The following ABCC3 variants were observed in gnomAD, a reference collection of about 807,000 sequenced individuals.
ABCC3 encodes ATP binding cassette subfamily C member 3, also known as ATP-binding cassette sub-family C member 3.
A neutral mutation model predicts 165.3 loss-of-function variants in ABCC3; 121 were observed. The ratio of observed to expected loss-of-function variants is 0.73; its 90% CI spans 0.63 to 0.85. ABCC3 has a LOEUF of 0.85. ABCC3 is among the 40% of genes least tolerant of loss of function. The pLI is 0.00. For missense variants in ABCC3, 1,869 were observed against 1,964.1 expected, an observed-to-expected ratio of 0.95 and a Z score of 0.92; for synonymous variants, 733 against 810.1, an observed-to-expected ratio of 0.90 and a Z score of 1.62.
Position 50,683,723 on chromosome 17 carries a change from A to C in ABCC3, c.3921A>C (p.Arg1307Ser), listed in dbSNP as rs1284649308. 1.9e-6 allele frequency: 3 copies of C among 1,607,166 alleles called. No individual in the cohort carries two copies. Among genetic ancestry groups the C allele is most frequent in the African/African-American group, 2.7e-5 (2 of 74,406 alleles). The change falls in exon 27 of 31, where the codon AGA (arginine) becomes AGC (serine). Residue 1307 changes from arginine (R) to serine (S), a missense_variant. Transcript: ENST00000285238. ...RYRPGLDLVL[R>S]DLSLHVHGGE... ...GGCCGGGCCTAGACCTGGTGCTGAG[A>C]GACCTGAGTCTGCATGTGCACGGTG... is the stretch of plus-strand genomic sequence containing the variant.
At chr17:50,644,891 G>A (rs368856110) in intron 1 of ABCC3, among the ~76,000 whole-genome samples, 1 of 152,020 alleles carries the variant, frequency 6.6e-6, no homozygotes, top group South Asian at 2.1e-4. Context: ...GGTGGCGGGC[G>A]CCTGTAGTCT....
intron 10 of ABCC3, among the ~76,000 whole-genome samples, 198 bp from the exon 11 acceptor site, chr17:50,664,955 C>T (rs1262057890): frequency 6.6e-5 from 10 of 152,136 alleles, no homozygotes; most frequent in Non-Finnish European, 1.5e-5. Context: ...CTGTCCCTGT[C>T]GTCGTTATCT....
In ABCC3 at chr17:50,664,084, C is replaced by T. The variant is rs866228317; in HGVS notation, c.1311C>T (p.Ile437=). ...LNLLWSAPLQ[I]ILAIYFLWQN... is the part of the protein sequence containing the mutation. ...TGCTGTGGTCAGCACCCCTGCAGATCATCCTGGCGATCTACTTCCTCTGGC... is the reference window on the plus strand; with the variant it reads ...TGCTGTGGTCAGCACCCCTGCAGATTATCCTGGCGATCTACTTCCTCTGGC... The change falls in exon 10 of 31, where the codon ATC becomes ATT. Residue 437 remains isoleucine, a synonymous_variant. Coordinates refer to ENST00000285238, the MANE Select transcript of ABCC3 (RefSeq NM_003786.4). The T allele has an allele frequency of 1.2e-6, 2 of 1,614,240 alleles. No homozygotes were observed. The highest frequency in any genetic ancestry group is 1.7e-6 in the Non-Finnish European group (2 of 1,180,036).
chr17:50,684,875 G>C lies in ABCC3; in HGVS notation c.4280G>C (p.Ser1427Thr). ...FQCSEGGENL[S>T]VGQRQLVCLA... ...TGCTCAGAGGGCGGGGAGAATCTCA[G>C]GTAAACACTGGGAGTGCAGAGGTCA... The change falls in exon 29 of 31, where the codon AGC (serine) becomes ACC (threonine). Residue 1427 changes from serine to threonine, a missense_variant and splice_region_variant. Physicochemically the swap from Ser to Thr is moderately conservative, Grantham distance 58. Coordinates refer to ENST00000285238, the MANE Select transcript of ABCC3 (RefSeq NM_003786.4). 1 of 1,613,798 alleles carries C rather than the reference G, an allele frequency of 6.2e-7. No individual in the cohort carries two copies. The highest frequency in any genetic ancestry group is 1.3e-5 in the African/African-American group (1 of 75,032).
chr17:50,689,175 ACT>A (rs957181558), intron 30 of ABCC3, among the ~76,000 whole-genome samples: 2 of 152,216 alleles, frequency 1.3e-5, no homozygotes, highest in African/African-American at 2.4e-5. Context: ...GCAGAGCGAG[ACT>A]CTGCCTCAAA....
intron 1 of ABCC3, among the ~76,000 whole-genome samples, chr17:50,637,424 G>A (rs2054190513): frequency 6.6e-6 from 1 of 152,220 alleles, no homozygotes; most frequent in Non-Finnish European, 1.5e-5. Context: ...GTGATGTGCT[G>A]TGTTGCATCT....
rs777961746 is a variant in ABCC3, at chr17:50,667,742, G to A, written c.1620G>A (p.Met540Ile). 1 of 1,614,108 alleles carries A rather than the reference G, an allele frequency of 6.2e-7. No homozygotes were observed. The highest frequency in any genetic ancestry group is 1.1e-5 in the South Asian group (1 of 91,086). The change falls in exon 12 of 31, where the codon ATG becomes ATA. Residue 540 changes from methionine (M) to isoleucine (I), a missense_variant. By Grantham distance (10) the Met-to-Ile change is conservative. Coordinates refer to ENST00000285238, the MANE Select transcript of ABCC3 (RefSeq NM_003786.4). ...ACACCACAACCACCTTCACCTGGAT[G>A]TGCAGCCCCTTCCTGGTGAGGCTTG... The part of the protein sequence containing the change: ...YLHTTTTFTW[M>I]CSPFLVTLIT...
chr17:50,655,145 C>T (rs566717283), intron 1 of ABCC3, among the ~76,000 whole-genome samples: 20 of 127,340 alleles, frequency 1.6e-4, no homozygotes, highest in Admixed American at 1.1e-3. Flanking sequence ...GCAGCCGTCA[C>T]GCCTGTAATC....
Position 50,665,255 on chromosome 17 carries a change from G to A in ABCC3, c.1431+10G>A. The A allele has an allele frequency of 6.2e-7, 1 of 1,613,560 alleles. No individual in the cohort carries two copies. The highest frequency in any genetic ancestry group is 8.5e-7 in the Non-Finnish European group (1 of 1,179,738). ...GATGCGCGCCTTCCAGGTAGGTGCT[G>A]TCAGAGGTGCATCCTCCTGCCTGCA... On this transcript the variant is annotated intron_variant, in intron 11 of 30. Transcript: ENST00000285238.
intron 11 of ABCC3, 23 bp downstream of exon 11, chr17:50,665,268 C>T (rs1967498004): frequency 6.2e-7 from 1 of 1,609,126 alleles, no homozygotes; most frequent in Non-Finnish European, 8.5e-7. Flanking sequence ...AGAGGTGCAT[C>T]CTCCTGCCTG....
intron 1 of ABCC3, among the ~76,000 whole-genome samples, chr17:50,651,236 C>A (rs1162401860): frequency 6.6e-6 from 1 of 152,134 alleles, no homozygotes; most frequent in Non-Finnish European, 1.5e-5. Flanking sequence ...GTCAGTGTGG[C>A]ACAGAACATG....
intron 27 of ABCC3, 28 bp from the exon 28 acceptor site, chr17:50,683,921 C>G: frequency 2.5e-6 from 4 of 1,608,462 alleles, no homozygotes; most frequent in Non-Finnish European, 3.4e-6. Context: ...CAGCTTCCCC[C>G]TCAGAGCCCC....
At chr17:50,687,780 G>A in intron 30 of ABCC3, 50 bp downstream of exon 30, 2 of 1,577,160 alleles carry the variant, frequency 1.3e-6, no homozygotes, top group Non-Finnish European at 1.7e-6. Flanking sequence ...GCCACCTGGG[G>A]CATCAGGAAT....
At chr17:50,657,238 C>T in intron 4 of ABCC3, 55 bp downstream of exon 4, 2 of 1,590,226 alleles carry the variant, frequency 1.3e-6, no homozygotes, top group Non-Finnish European at 1.7e-6. Context: ...GGAGGGTGAC[C>T]TCAGGGTTCA....
chr17:50,683,350 T>C (rs1045110669), intron 26 of ABCC3, among the ~76,000 whole-genome samples: 4 of 111,528 alleles, frequency 3.6e-5, no homozygotes, highest in African/African-American at 1.3e-4. Flanking sequence ...TCTCAAAAAT[T>C]AAAAAAAAAA....
Position 50,679,826 on chromosome 17 carries a change from G to A in ABCC3, c.3734G>A (p.Arg1245Gln), listed in dbSNP as rs766417583. 16 of 1,614,130 alleles carry A rather than the reference G, an allele frequency of 9.9e-6. No individual in the cohort carries two copies. Among genetic ancestry groups the A allele is most frequent in the Middle Eastern group, 1.7e-4 (1 of 6,058 alleles). The change falls in exon 26 of 31, where the codon CGA (arginine) becomes CAA (glutamine). Residue 1245 changes from arginine to glutamine, a missense_variant. Coordinates refer to ENST00000285238, the MANE Select transcript of ABCC3 (RefSeq NM_003786.4). ...QVTFALNWMI[R>Q]MMSDLESNIV... The stretch of plus-strand genomic sequence containing the variant: ...ACATTTGCTCTGAACTGGATGATAC[G>A]AATGATGTCAGATTTGGAATCTAAC...
chr17:50,686,802 T>C (rs182374484), intron 29 of ABCC3, among the ~76,000 whole-genome samples: 1 of 152,234 alleles, frequency 6.6e-6, no homozygotes, highest in East Asian at 1.9e-4. Context: ...CTTCATTAGT[T>C]GCGGGAATGG....
chr17:50,663,704 A>G lies in ABCC3; in HGVS notation c.1022A>G (p.Asn341Ser). ...LLSILIRFIS[N>S]PMAPSWWGFL... ...AGCATCCTGATCAGGTTTATCTCCAACCCCATGGCCCCCTCCTGGTGGGGC... is the reference window on the plus strand; with the variant it reads ...AGCATCCTGATCAGGTTTATCTCCAGCCCCATGGCCCCCTCCTGGTGGGGC... Residue 341 changes from asparagine (N) to serine (S), a missense_variant, in exon 9 of 31, where the codon AAC (asparagine) becomes AGC (serine). Physicochemically the swap from Asn to Ser is conservative, Grantham distance 46. Transcript: ENST00000285238. 6.2e-7 allele frequency: 1 copy of G among 1,614,042 alleles called. No homozygotes were observed. The highest frequency in any genetic ancestry group is 1.3e-5 in the African/African-American group (1 of 74,998).
chr17:50,687,186 T>C, intron 29 of ABCC3: 1 of 260,180 alleles, frequency 3.8e-6, no homozygotes, highest in Non-Finnish European at 7.4e-6. Flanking sequence ...CATGCAAGTA[T>C]GTTCTTACTA....
Sources: gnomAD v4.1 joint callset for allele counts (sites outside exome capture counted in the v4.1 genomes callset) on GRCh38, gnomAD v4.1.1 for gene constraint, MANE v1.5 for transcripts, NCBI Gene and HGNC (gene_info 2026-07-23, HGNC 2026-07-21) for gene names.